Variants in HYAL2 observed in about 807,000 individuals in gnomAD.
HYAL2 encodes the protein hyaluronidase 2.
HYAL2 carries 30 observed loss-of-function variants against 35.4 expected under a neutral mutation model. The ratio of observed to expected loss-of-function variants is 0.85; its 90% CI spans 0.63 to 1.15. The LOEUF is 1.15. HYAL2 is among the 50% of genes most tolerant of loss of function. The pLI is 0.00. For missense variants in HYAL2, 635 were observed against 646.5 expected (o/e 0.98, Z 0.19); for synonymous variants, 262 against 252.8 (o/e 1.04, Z -0.34).
chr3:50,319,798 T>C lies in HYAL2; in HGVS notation c.692A>G (p.Glu231Gly). Residue 231 changes from glutamate (E) to glycine (G), a missense_variant, in exon 2 of 4, where the codon GAG becomes GGG. Physicochemically the swap from Glu to Gly is moderately conservative, Grantham distance 98. Coordinates refer to ENST00000357750, the MANE Select transcript of HYAL2 (RefSeq NM_003773.5). ...ESYTGRCPDV[E>G]VARNDQLAWL... ...GGCCAGCTGGTCATTGCGGGCCACC[T>C]CAACATCAGGGCAGCGGCCTGTGTA... 6.2e-7 allele frequency: 1 copy of C among 1,613,794 alleles called. No individual in the cohort carries two copies. The highest frequency in any genetic ancestry group is 8.5e-7 in the Non-Finnish European group (1 of 1,180,018).
rs782252372 is a variant in HYAL2 at position 50,319,908 on chromosome 3, G to C, written c.582C>G (p.Val194=). Residue 194 remains valine (V), a synonymous_variant, in exon 2 of 4, where the codon GTC becomes GTG. Coordinates refer to ENST00000357750, the MANE Select transcript of HYAL2 (RefSeq NM_003773.5). ...QQFMLETLRY[V]KAVRPRHLWG... is the part of the protein sequence containing the mutation. ...AGAGGTGCCGGGGCCGCACTGCCTTGACATAACGCAGTGTCTCCAGCATGA... is the reference window on the plus strand; with the variant it reads ...AGAGGTGCCGGGGCCGCACTGCCTTCACATAACGCAGTGTCTCCAGCATGA... 71 of 1,613,568 alleles carry C rather than the reference G, an allele frequency of 4.4e-5. No individual in the cohort carries two copies. Among genetic ancestry groups the C allele is most frequent in the Non-Finnish European group, 5.5e-5 (65 of 1,180,004 alleles).
Position 50,318,448 on chromosome 3 carries a change from G to A in HYAL2, c.1103C>T (p.Ala368Val). 3 of 1,613,208 alleles carry A rather than the reference G, an allele frequency of 1.9e-6. No homozygotes were observed. The highest frequency in any genetic ancestry group is 2.5e-6 in the Non-Finnish European group (3 of 1,180,026). Reference sequence around the variant, plus strand: ...ACAGCGCCCATGGCCATGGCACTGGGCCCGGCTGCAATATTGGGTGGCCCA... The same window carrying A: ...ACAGCGCCCATGGCCATGGCACTGGACCCGGCTGCAATATTGGGTGGCCCA... ...VSWATQYCSR[A>V]QCHGHGRCVR... The change falls in exon 4 of 4, where the codon GCC becomes GTC. Residue 368 changes from alanine (A) to valine (V), a missense_variant. By Grantham distance (64) the Ala-to-Val change is moderately conservative. Transcript: ENST00000357750. This position sits in a 1 kb window ranked among gnomAD's most constrained non-coding sequence, Gnocchi z 4.5.
rs80031801 is a variant in HYAL2, at chr3:50,318,117, G to A, written c.*12C>T. 8.1e-4 allele frequency: 1,246 copies of A among 1,541,208 alleles called. 12 individuals are homozygous for A. In the East Asian group the frequency reaches 0.015, roughly 18 times the overall value. On this transcript the variant is annotated 3_prime_UTR_variant, in exon 4 of 4. Coordinates refer to ENST00000357750, the MANE Select transcript of HYAL2 (RefSeq NM_003773.5). This position sits in a 1 kb window ranked among gnomAD's most constrained non-coding sequence, Gnocchi z 4.5. The stretch of plus-strand genomic sequence containing the variant: ...TAGAGGCCAGCTTGCTAGGCAGCTA[G>A]GCAGGAGACCCCTACAAGGTCCAGG...
chr3:50,320,601 T>G lies in HYAL2; in HGVS notation c.-46-66A>C. 5.0e-6 allele frequency: 5 copies of G among 1,001,142 alleles called. No individual in the cohort carries two copies. The highest frequency in any genetic ancestry group is 7.1e-6 in the Non-Finnish European group (5 of 704,358). 62.0% of individuals were successfully genotyped at this position (1,001,142 alleles called of 1,614,324 possible). On this transcript the variant is annotated intron_variant, in intron 1 of 3. Coordinates refer to ENST00000357750, the MANE Select transcript of HYAL2 (RefSeq NM_003773.5). The surrounding 1 kb of genome is among the most constrained non-coding windows in gnomAD (Gnocchi z 4.8). ...ACTGGAAGTGCCCACCTCAAGCCCA[T>G]CTATGCTCCCAAAGCCCATGCTGTG... is the stretch of plus-strand genomic sequence containing the variant.
rs587599338 is a variant in HYAL2, at chr3:50,322,343, C to T, written c.-47+310G>A. On this transcript the variant is annotated intron_variant, in intron 1 of 3. Coordinates refer to ENST00000357750, the MANE Select transcript of HYAL2 (RefSeq NM_003773.5). This position sits in a 1 kb window ranked among gnomAD's most constrained non-coding sequence, Gnocchi z 5.5. ...CTCAACCCCGAGGAGGCCTCCATTC[C>T]TTGCAGCAGTTTCTGGCTGGACCTC... The T allele has an allele frequency of 6.6e-6, 1 of 152,396 alleles. No individual in the cohort carries two copies. The highest frequency in any genetic ancestry group is 1.9e-4 in the East Asian group (1 of 5,168). 9.4% of individuals were successfully genotyped at this position (152,396 alleles called of 1,614,324 possible). A position where few individuals can be genotyped will look rare whatever the true frequency, so the allele number is the denominator to read the frequency against.
Position 50,317,917 on chromosome 3 carries a change from CCTTCCCCTCTGGCAGGGAGAGAAGGGG to C in HYAL2, c.*185_*211del. 1.9e-6 allele frequency: 1 copy of C among 522,984 alleles called. No individual in the cohort carries two copies. Among genetic ancestry groups the C allele is most frequent in the East Asian group, 3.2e-5 (1 of 31,726 alleles). 32.4% of individuals were successfully genotyped at this position (522,984 alleles called of 1,614,324 possible). A position where few individuals can be genotyped will look rare whatever the true frequency, so the allele number is the denominator to read the frequency against. ...GTCCTCCCCAGCCCAGCTGTACCCT[CCTTCCCCTCTGGCAGGGAGAGAAGGGG>C]CCTCCCAGGGACTTCCCCTCCCCCT... On this transcript the variant is annotated 3_prime_UTR_variant, in exon 4 of 4. Transcript: ENST00000357750.
Position 50,318,812 on chromosome 3 carries a change from T to A in HYAL2, c.1011+144A>T, listed in dbSNP as rs1275482052. Reference sequence around the variant, plus strand: ...TCCTGAGAGCAGGGCCGGGGTGACCTCCTCCTGTTGCCACCAGGGATGCCT... The same window carrying A: ...TCCTGAGAGCAGGGCCGGGGTGACCACCTCCTGTTGCCACCAGGGATGCCT... On this transcript the variant is annotated intron_variant, in intron 3 of 3. Coordinates refer to ENST00000357750, the MANE Select transcript of HYAL2 (RefSeq NM_003773.5). This position sits in a 1 kb window ranked among gnomAD's most constrained non-coding sequence, Gnocchi z 4.5. 3.9e-6 allele frequency: 3 copies of A among 768,680 alleles called. No individual in the cohort carries two copies. Among genetic ancestry groups the A allele is most frequent in the East Asian group, 2.5e-5 (1 of 39,642 alleles). The allele number at this position is 768,680 out of a possible 1,614,324, so 47.6% of individuals were successfully genotyped here.
chr3:50,317,936 G>A lies in HYAL2; in HGVS notation c.*193C>T, dbSNP rs374959024. 1.1e-3 allele frequency: 623 copies of A among 556,716 alleles called. 6 individuals are homozygous for A. In the African/African-American group the frequency reaches 0.011, roughly 10 times the overall value. 34.5% of individuals were successfully genotyped at this position (556,716 alleles called of 1,614,324 possible). A position where few individuals can be genotyped will look rare whatever the true frequency, so the allele number is the denominator to read the frequency against. ...TACCCTCCTTCCCCTCTGGCAGGGAGAGAAGGGGCCTCCCAGGGACTTCCC... is the reference window on the plus strand; with the variant it reads ...TACCCTCCTTCCCCTCTGGCAGGGAAAGAAGGGGCCTCCCAGGGACTTCCC... On this transcript the variant is annotated 3_prime_UTR_variant, in exon 4 of 4. Transcript: ENST00000357750.
Position 50,318,531 on chromosome 3 carries a change from G to C in HYAL2, c.1020C>G (p.Cys340Trp). The C allele has an allele frequency of 6.2e-7, 1 of 1,602,216 alleles. No individual in the cohort carries two copies. Among genetic ancestry groups the C allele is most frequent in the Non-Finnish European group, 8.5e-7 (1 of 1,172,380 alleles). ...GTGTCAGGTAATCTTTGAGGTACTG[G>C]CAGGTCTCCTGGAGGCAGAAGACAA... ...DAGYTTSTETCQYLKDYLTRL... is the reference protein window; with the variant it reads ...DAGYTTSTETWQYLKDYLTRL... The change falls in exon 4 of 4, where the codon TGC becomes TGG. Residue 340 changes from cysteine to tryptophan, a missense_variant. Physicochemically the swap from Cys to Trp is radical, Grantham distance 215. Transcript: ENST00000357750. This position sits in a 1 kb window ranked among gnomAD's most constrained non-coding sequence, Gnocchi z 4.5.
chr3:50,319,046 C>T lies in HYAL2; in HGVS notation c.922-1G>A, dbSNP rs1553716045. ...CGCCAATGGTAGAGATGAGGTCCATCTATGCAGGAAAAGGGATGGTCACTG... is the reference window on the plus strand; with the variant it reads ...CGCCAATGGTAGAGATGAGGTCCATTTATGCAGGAAAAGGGATGGTCACTG... On this transcript the variant is annotated splice_acceptor_variant, in intron 2 of 3. Coordinates refer to ENST00000357750, the MANE Select transcript of HYAL2 (RefSeq NM_003773.5). LOFTEE classifies it high-confidence loss of function. 2 of 1,595,904 alleles carry T rather than the reference C, an allele frequency of 1.3e-6. No homozygotes were observed. The highest frequency in any genetic ancestry group is 1.7e-6 in the Non-Finnish European group (2 of 1,166,382).
rs782158248 is a variant in HYAL2 at position 50,319,581 on chromosome 3, C to T, written c.909G>A (p.Thr303=). Residue 303 remains threonine (T), a synonymous_variant, in exon 2 of 4, where the codon ACG becomes ACA. Transcript: ENST00000357750. ...FTRPTYSRRL[T]GLSEMDLIST... ...TGGAGACACATACCTCACTAAGCCC[C>T]GTGAGCCTGCGGCTGTAGGTGGGTC... 2.2e-5 allele frequency: 35 copies of T among 1,610,766 alleles called. No individual in the cohort carries two copies. The Admixed American group carries it at 3.3e-4, about 15-fold the overall frequency.
In HYAL2 at chr3:50,319,039, G is replaced by C; in HGVS notation, c.928C>G (p.Leu310Val). 1.2e-6 allele frequency: 2 copies of C among 1,600,278 alleles called. No homozygotes were observed. The highest frequency in any genetic ancestry group is 1.7e-6 in the Non-Finnish European group (2 of 1,169,628). ...GCACTCTCGCCAATGGTAGAGATGA[G>C]GTCCATCTATGCAGGAAAAGGGATG... The part of the protein sequence containing the change: ...RRLTGLSEMD[L>V]ISTIGESAAL... The change falls in exon 3 of 4, where the codon CTC becomes GTC. Residue 310 changes from leucine to valine, a missense_variant. Leu to Val is a conservative substitution (Grantham distance 32, BLOSUM62 1). Transcript: ENST00000357750.
Position 50,319,978 on chromosome 3 carries a change from A to G in HYAL2, c.512T>C (p.Ile171Thr), listed in dbSNP as rs1409847047. The change falls in exon 2 of 4, where the codon ATA becomes ACA. Residue 171 changes from isoleucine (I) to threonine (T), a missense_variant. By Grantham distance (89) the Ile-to-Thr change is moderately conservative. Transcript: ENST00000357750. Reference protein sequence around the residue: ...SRHPDWPPDRIVKQAQYEFEF... With the variant: ...SRHPDWPPDRTVKQAQYEFEF... Reference sequence around the variant, plus strand: ...AAACTCATATTGTGCCTGTTTGACTATGCGGTCTGGAGGCCAGTCAGGGTG... The same window carrying G: ...AAACTCATATTGTGCCTGTTTGACTGTGCGGTCTGGAGGCCAGTCAGGGTG... 3.1e-6 allele frequency: 5 copies of G among 1,613,456 alleles called. No homozygotes were observed. The highest frequency in any genetic ancestry group is 3.4e-6 in the Non-Finnish European group (4 of 1,180,034).
rs781806552 is a variant in HYAL2, at chr3:50,318,908, C to G, written c.1011+48G>C. On this transcript the variant is annotated intron_variant, in intron 3 of 3. Coordinates refer to ENST00000357750, the MANE Select transcript of HYAL2 (RefSeq NM_003773.5). This position sits in a 1 kb window ranked among gnomAD's most constrained non-coding sequence, Gnocchi z 4.5. ...AGGTTGGTAGCCAAAGGCCCTAACT[C>G]TCTGTCTGTCCCATAGACTGAGCTC... 3.2e-5 allele frequency: 49 copies of G among 1,533,760 alleles called. No homozygotes were observed. The Admixed American group carries it at 6.0e-4, about 19-fold the overall frequency.
At chr3:50,319,213 A>T (rs1702628735) in intron 2 of HYAL2, among the ~76,000 whole-genome samples, 168 bp from the exon 3 acceptor site, 1 of 152,206 alleles carries the variant, frequency 6.6e-6, no homozygotes, top group Non-Finnish European at 1.5e-5. Context: ...TAAACATTTA[A>T]GTCCATTTCC....
rs587707385 is a variant in HYAL2, at chr3:50,318,333, C to G, written c.1218G>C (p.Gln406His). 4.2e-5 allele frequency: 68 copies of G among 1,613,502 alleles called. No individual in the cohort carries two copies. The South Asian group carries it at 7.0e-4, about 17-fold the overall frequency. Residue 406 changes from glutamine (Q) to histidine (H), a missense_variant, in exon 4 of 4, where the codon CAG (glutamine) becomes CAC (histidine). Gln to His is a conservative substitution (Grantham distance 24, BLOSUM62 0). Coordinates refer to ENST00000357750, the MANE Select transcript of HYAL2 (RefSeq NM_003773.5). This position sits in a 1 kb window ranked among gnomAD's most constrained non-coding sequence, Gnocchi z 4.5. The stretch of plus-strand genomic sequence containing the variant: ...AACTGAGCTCCCCCACAGGTCGCAG[C>G]TGGGGTTCACCAGGTGCATGGCCAG... The part of the protein sequence containing the change: ...LVPGHAPGEP[Q>H]LRPVGELSWA...
Position 50,318,986 on chromosome 3 carries a change from G to C in HYAL2, c.981C>G (p.Leu327=), listed in dbSNP as rs782422755. Residue 327 remains leucine (L), a synonymous_variant, in exon 3 of 4, where the codon CTC becomes CTG. Coordinates refer to ENST00000357750, the MANE Select transcript of HYAL2 (RefSeq NM_003773.5). This position sits in a 1 kb window ranked among gnomAD's most constrained non-coding sequence, Gnocchi z 4.5. ...SAALGAAGVI[L]WGDAGYTTST... The stretch of plus-strand genomic sequence containing the variant: ...TTGTGGTGTACCCCGCGTCACCCCA[G>C]AGGATGACACCAGCTGCGCCCAGGG... 5.6e-6 allele frequency: 9 copies of C among 1,613,168 alleles called. No individual in the cohort carries two copies. The highest frequency in any genetic ancestry group is 7.6e-6 in the Non-Finnish European group (9 of 1,179,522).
In HYAL2 at chr3:50,318,031, C is replaced by T; in HGVS notation, c.*98G>A. 1 of 1,360,794 alleles carries T rather than the reference C, an allele frequency of 7.3e-7. No individual in the cohort carries two copies. The highest frequency in any genetic ancestry group is 1.4e-5 in the South Asian group (1 of 70,446). 84.3% of individuals were successfully genotyped at this position (1,360,794 alleles called of 1,614,324 possible). ...CTGGGCTTCCTGGGGGCTCTGCCCA[C>T]TCCAGACTCCAGTTTGTCCACCCCC... On this transcript the variant is annotated 3_prime_UTR_variant, in exon 4 of 4. Coordinates refer to ENST00000357750, the MANE Select transcript of HYAL2 (RefSeq NM_003773.5). The surrounding 1 kb of genome is among the most constrained non-coding windows in gnomAD (Gnocchi z 4.5).
Position 50,319,979 on chromosome 3 carries a change from T to C in HYAL2, c.511A>G (p.Ile171Val), listed in dbSNP as rs781874033. 9.9e-6 allele frequency: 16 copies of C among 1,613,488 alleles called. No homozygotes were observed. The highest frequency in any genetic ancestry group is 1.3e-5 in the Non-Finnish European group (15 of 1,180,040). ...SRHPDWPPDR[I>V]VKQAQYEFEF... ...AACTCATATTGTGCCTGTTTGACTATGCGGTCTGGAGGCCAGTCAGGGTGA... is the reference window on the plus strand; with the variant it reads ...AACTCATATTGTGCCTGTTTGACTACGCGGTCTGGAGGCCAGTCAGGGTGA... The change falls in exon 2 of 4, where the codon ATA (isoleucine) becomes GTA (valine). Residue 171 changes from isoleucine (I) to valine (V), a missense_variant. Physicochemically the swap from Ile to Val is conservative, Grantham distance 29. Coordinates refer to ENST00000357750, the MANE Select transcript of HYAL2 (RefSeq NM_003773.5).
Sources: allele counts gnomAD v4.1 joint callset (sites outside exome capture counted in the v4.1 genomes callset), GRCh38; gene constraint gnomAD v4.1.1; non-coding constraint Gnocchi (gnomAD v3.1); transcripts MANE v1.5; gene names NCBI Gene and HGNC (gene_info 2026-07-23, HGNC 2026-07-21).